Variants in MYO5B observed in about 807,000 individuals in gnomAD.
MYO5B encodes myosin VB, also known as unconventional myosin-Vb.
A neutral mutation model predicts 229.3 loss-of-function variants in MYO5B; 143 were observed. The ratio of observed to expected loss-of-function variants is 0.62; its 90% CI spans 0.54 to 0.72. The LOEUF is 0.72. Ranked by LOEUF, MYO5B falls within the 30% of genes least tolerant of loss-of-function variation. The pLI, the probability that MYO5B is intolerant of heterozygous loss-of-function variation, is 0.00. For synonymous variants in MYO5B, 918 were observed against 885.2 expected, an observed-to-expected ratio of 1.04 and a Z score of -0.66; for missense variants, 2,321 against 2,331.0, an observed-to-expected ratio of 1.00 and a Z score of 0.09.
In MYO5B at chr18:49,992,289, T is replaced by C. The variant is rs768283128; in HGVS notation, c.755A>G (p.Gln252Arg). 6.2e-7 allele frequency: 1 copy of C among 1,614,166 alleles called. No individual in the cohort carries two copies. The highest frequency in any genetic ancestry group is 8.5e-7 in the Non-Finnish European group (1 of 1,180,012). ...YLLEKSRVVFQADDERNYHIF... is the reference protein window; with the variant it reads ...YLLEKSRVVFRADDERNYHIF... ...AAGGGCGCAAATCCTCCCACTCACC[T>C]GGAAGACCACTCTGGACTTCTCCAA... The change falls in exon 6 of 40, where the codon CAG becomes CGG. Residue 252 changes from glutamine to arginine, a missense_variant and splice_region_variant. This residue lies in a region of MYO5B where 2,113 missense variants were observed against 2,044.7 expected (regional missense o/e 1.03). Coordinates refer to ENST00000285039, the MANE Select transcript of MYO5B (RefSeq NM_001080467.3).
At chr18:50,014,041 T>G (rs1421220318) in intron 4 of MYO5B, among the ~76,000 whole-genome samples, 1 of 152,162 alleles carries the variant, frequency 6.6e-6, no homozygotes, top group Admixed American at 6.5e-5. Context: ...CCCCCTCAAT[T>G]GTGGTCAATT....
intron 10 of MYO5B, among the ~76,000 whole-genome samples, chr18:49,969,506 A>T (rs6507958): frequency 1 from 152,242 of 152,318 alleles, 76,083 homozygotes; most frequent in Non-Finnish European, 1. Flanking sequence ...TATGTAAAAC[A>T]CATTCCGCCT....
At position 50,089,575 on chromosome 18, in the gene MYO5B, C is replaced by CAAA. The variant is rs570849955; in HGVS notation, c.28-34200_28-34198dup. 3.1e-4 allele frequency among the ~76,000 whole-genome samples: 38 copies of CAAA among 123,982 alleles called. No individual in the cohort carries two copies. The South Asian group carries it at 6.9e-3, about 22-fold the overall frequency. 81.3% of individuals were successfully genotyped at this position (123,982 alleles called of 152,430 possible). A position where few individuals can be genotyped will look rare whatever the true frequency, so the allele number is the denominator to read the frequency against. On this transcript the variant is annotated intron_variant, in intron 1 of 39. Transcript: ENST00000285039. The stretch of plus-strand genomic sequence containing the variant: ...CAATAAAGTGAGACCTCATCTCTAC[C>CAAA]AAAAAAAAAAAAAAAATCAAAAAAT...
chr18:49,904,848 A>T lies in MYO5B; in HGVS notation c.2415-20T>A, dbSNP rs998494601. On this transcript the variant is annotated intron_variant, in intron 19 of 39. Transcript: ENST00000285039. ...GCCAGCCTGGGGAGCAAGAGGAAACAGGCAGTGTCAGGGAGAGAGTATTGA... is the reference window on the plus strand; with the variant it reads ...GCCAGCCTGGGGAGCAAGAGGAAACTGGCAGTGTCAGGGAGAGAGTATTGA... The T allele has an allele frequency of 1.9e-6, 3 of 1,612,350 alleles. No homozygotes were observed. The African/African-American group carries it at 4.0e-5, about 22-fold the overall frequency.
intron 19 of MYO5B, among the ~76,000 whole-genome samples, chr18:49,905,542 C>T (rs2144148974): frequency 6.6e-6 from 1 of 152,296 alleles, no homozygotes; most frequent in East Asian, 1.9e-4. Flanking sequence ...TTCAGCAAAG[C>T]CTCAAAGGAG....
rs961385628 is a variant in MYO5B at position 49,825,694 on chromosome 18, A to G, written c.*777T>C. On this transcript the variant is annotated 3_prime_UTR_variant, in exon 40 of 40. Transcript: ENST00000285039. ...TTTGTGAAAGTTTTGTGGGACTTGGAAAGTGTATGGACTAGCATCAGAAAC... is the reference window on the plus strand; with the variant it reads ...TTTGTGAAAGTTTTGTGGGACTTGGGAAGTGTATGGACTAGCATCAGAAAC... The G allele has an allele frequency of 6.6e-6, 1 of 152,460 alleles. No individual in the cohort carries two copies. Among genetic ancestry groups the G allele is most frequent in the African/African-American group, 2.4e-5 (1 of 41,462 alleles). 9.4% of individuals were successfully genotyped at this position (152,460 alleles called of 1,614,324 possible).
chr18:50,000,744 T>C (rs1442895265), intron 5 of MYO5B, among the ~76,000 whole-genome samples: 1 of 152,192 alleles, frequency 6.6e-6, no homozygotes, highest in Non-Finnish European at 1.5e-5. Flanking sequence ...GGGAACTGTT[T>C]TCTGAGGAGC....
At chr18:50,007,961 C>T (rs570920594) in intron 4 of MYO5B, among the ~76,000 whole-genome samples, 11 of 152,268 alleles carry the variant, frequency 7.2e-5, no homozygotes, top group African/African-American at 2.6e-4. Context: ...TAGTGAGACA[C>T]TGAGCCCGGA....
At chr18:50,025,650 C>G (rs2026322967) in intron 4 of MYO5B, among the ~76,000 whole-genome samples, 1 of 152,194 alleles carries the variant, frequency 6.6e-6, no homozygotes, top group South Asian at 2.1e-4. Context: ...GCTCTTTAAC[C>G]CAGCCTAGAC....
At chr18:49,842,492 G>A (rs551630028) in intron 34 of MYO5B, among the ~76,000 whole-genome samples, 29 of 152,368 alleles carry the variant, frequency 1.9e-4, no homozygotes, top group African/African-American at 6.0e-4. Context: ...GCAGTAATGT[G>A]TAAGAACTAA....
chr18:49,961,637 C>A (rs1444123781), intron 12 of MYO5B, among the ~76,000 whole-genome samples: 1 of 152,230 alleles, frequency 6.6e-6, no homozygotes, highest in Admixed American at 6.5e-5. Flanking sequence ...CAATCAACCA[C>A]TCCACTGGGA....
At chr18:49,895,702 TC>T (rs1353280137) in intron 21 of MYO5B, among the ~76,000 whole-genome samples, 3 of 152,198 alleles carry the variant, frequency 2.0e-5, no homozygotes, top group Non-Finnish European at 4.4e-5. Context: ...CTCACCCCTG[TC>T]AGCCATGGCT....
intron 12 of MYO5B, among the ~76,000 whole-genome samples, chr18:49,957,852 A>G (rs2025513444): frequency 6.6e-6 from 1 of 151,836 alleles, no homozygotes; most frequent in Non-Finnish European, 1.5e-5. Flanking sequence ...ACTGTACCAT[A>G]AATACCTCTG....
intron 17 of MYO5B, among the ~76,000 whole-genome samples, chr18:49,915,774 T>C (rs2025006901): frequency 1.3e-5 from 2 of 152,200 alleles, no homozygotes; most frequent in South Asian, 4.1e-4. Flanking sequence ...GCCGGAACCC[T>C]GGGGAAGAGA....
At chr18:49,881,956 A>G (rs2024591251) in intron 22 of MYO5B, among the ~76,000 whole-genome samples, 1 of 152,208 alleles carries the variant, frequency 6.6e-6, no homozygotes, top group South Asian at 2.1e-4. Context: ...AGGATGGGAA[A>G]GGGTCTTTTA....
chr18:50,084,216 C>T (rs950093822), intron 1 of MYO5B, among the ~76,000 whole-genome samples: 6 of 152,168 alleles, frequency 3.9e-5, no homozygotes, highest in Middle Eastern at 3.2e-3. Flanking sequence ...CAGGATGAAT[C>T]GAGTATTAAT....
At chr18:50,021,911 T>C (rs1214838933) in intron 4 of MYO5B, among the ~76,000 whole-genome samples, 3 of 152,118 alleles carry the variant, frequency 2.0e-5, no homozygotes, top group African/African-American at 7.2e-5. Context: ...CTCTCCTTGA[T>C]TGACATCATC....
At chr18:49,932,182 C>G (rs1188234481) in intron 16 of MYO5B, among the ~76,000 whole-genome samples, 1 of 152,218 alleles carries the variant, frequency 6.6e-6, no homozygotes, top group East Asian at 1.9e-4. Context: ...CCTCTCTGTT[C>G]TGGTATCCCC....
At chr18:50,015,623 A>G (rs141004722) in intron 4 of MYO5B, among the ~76,000 whole-genome samples, 7 of 152,316 alleles carry the variant, frequency 4.6e-5, no homozygotes, top group Non-Finnish European at 8.8e-5. Context: ...AGGTGTGCCC[A>G]GGGCAAGGGA....
Sources: gnomAD v4.1 joint callset for allele counts (sites outside exome capture counted in the v4.1 genomes callset) on GRCh38, gnomAD v4.1.1 for gene constraint, gnomAD v4.1.1 regional missense constraint, MANE v1.5 for transcripts, NCBI Gene and HGNC (gene_info 2026-07-23, HGNC 2026-07-21) for gene names.